Variants in ZSCAN4 observed in about 807,000 individuals in gnomAD.
ZSCAN4 encodes zinc finger and SCAN domain-containing protein 4.
ZSCAN4 carries 18 observed loss-of-function variants against 18.3 expected under a neutral mutation model. The observed-to-expected ratio is 0.98, with a 90% CI of 0.68 to 1.46. The LOEUF (loss-of-function observed/expected upper bound fraction) is 1.46. ZSCAN4 is among the 40% of genes most tolerant of loss of function. The probability of loss-of-function intolerance (pLI) is 0.00; values close to 1 mark genes in which losing one functional copy is unlikely to be tolerated. For missense variants in ZSCAN4, 498 were observed against 511.4 expected (o/e 0.97, Z 0.25); for synonymous variants, 193 against 180.3 (o/e 1.07, Z -0.57).
rs755331943 is a variant in ZSCAN4, at chr19:57,678,873, C to A, written c.1270C>A (p.Pro424Thr). The A allele has an allele frequency of 1.3e-5, 21 of 1,609,450 alleles. No individual in the cohort carries two copies. In the Admixed American group the frequency reaches 3.5e-4, roughly 27 times the overall value. Residue 424 changes from proline (P) to threonine (T), a missense_variant, in exon 5 of 5, where the codon CCA (proline) becomes ACA (threonine). Pro to Thr is a conservative substitution (Grantham distance 38, BLOSUM62 -1). Transcript: ENST00000318203. ...GAGGACTCATGAGAAAATTACCCTGCCAAGTGTTCCCTCCACACCAGAAGC... is the reference window on the plus strand; with the variant it reads ...GAGGACTCATGAGAAAATTACCCTGACAAGTGTTCCCTCCACACCAGAAGC...
intron 1 of ZSCAN4, among the ~76,000 whole-genome samples, chr19:57,669,687 A>G (rs902990390): frequency 2.5e-4 from 37 of 150,866 alleles, no homozygotes; most frequent in Non-Finnish European, 2.9e-5. Flanking sequence ...GGCCTCCAAA[A>G]GTGCTGGGAT....
chr19:57,671,264 G>T (rs1341128108), intron 2 of ZSCAN4, among the ~76,000 whole-genome samples: 3 of 152,108 alleles, frequency 2.0e-5, no homozygotes, highest in African/African-American at 7.2e-5. Flanking sequence ...TAGCATGCCT[G>T]CGTCACAGTT....
chr19:57,677,564 G>C (rs916660934), intron 3 of ZSCAN4, among the ~76,000 whole-genome samples: 9 of 152,070 alleles, frequency 5.9e-5, no homozygotes, highest in African/African-American at 2.2e-4. Context: ...CTGAGTTCAG[G>C]ATTAATCAAT....
intron 2 of ZSCAN4, among the ~76,000 whole-genome samples, chr19:57,673,238 A>G (rs530031583): frequency 5.1e-4 from 77 of 151,980 alleles, no homozygotes; most frequent in Admixed American, 1.3e-3. Context: ...TAGTAGAGAA[A>G]GGGTTTCACC....
the ZSCAN4 span, among the ~76,000 whole-genome samples, chr19:57,663,012 G>A: frequency 7.7e-6 from 1 of 130,640 alleles, no homozygotes; most frequent in African/African-American, 2.9e-5. Context: ...CCCCTTTTCT[G>A]CCCCTCACCC....
At chr19:57,665,531 A>G (rs1465271277), upstream of ZSCAN4, among the ~76,000 whole-genome samples, 1 of 152,166 alleles carries the variant, frequency 6.6e-6, no homozygotes, top group Admixed American at 6.5e-5. Flanking sequence ...CAGCCAGCAG[A>G]CAAGTTCACT....
At chr19:57,663,519 C>CAAAAAAAAAAAAAAAAA in the ZSCAN4 span, among the ~76,000 whole-genome samples, 74 of 18,300 alleles carry the variant, frequency 4.0e-3, 2 homozygotes, top group Middle Eastern at 0.036. Context: ...AACCATGTCT[C>CAAAAAAAAAAAAAAAAA]TAAAAAAAAA....
At chr19:57,651,657 CG>C in the ZSCAN4 span, among the ~76,000 whole-genome samples, 1 of 152,178 alleles carries the variant, frequency 6.6e-6, no homozygotes, top group Admixed American at 6.5e-5. Flanking sequence ...TTCTGAAACC[CG>C]GGACGACGCT....
At chr19:57,658,498 G>A in the ZSCAN4 span, among the ~76,000 whole-genome samples, 1 of 152,222 alleles carries the variant, frequency 6.6e-6, no homozygotes, top group South Asian at 2.1e-4. Context: ...TTTGTTTAAG[G>A]AAAATAATAA....
the ZSCAN4 span, among the ~76,000 whole-genome samples, chr19:57,661,683 G>C: frequency 6.6e-6 from 1 of 152,182 alleles, no homozygotes; most frequent in Non-Finnish European, 1.5e-5. Context: ...CTTTAAAAAT[G>C]CTATTGAGGT....
exon 5 of ZSCAN4, chr19:57,679,109 T>C: frequency 4.8e-6 from 2 of 418,978 alleles, no homozygotes; most frequent in East Asian, 4.0e-5. Flanking sequence ...AGTGGAACAT[T>C]TCCAAGAACC....
the ZSCAN4 span, among the ~76,000 whole-genome samples, chr19:57,658,948 G>T: frequency 1.3e-4 from 20 of 151,808 alleles, no homozygotes; most frequent in African/African-American, 4.8e-4. Context: ...ATAACTCATG[G>T]TCCATTATTA....
chr19:57,672,164 AAACATCAGTAGG>A (rs1488030045), intron 2 of ZSCAN4, among the ~76,000 whole-genome samples: 1 of 152,192 alleles, frequency 6.6e-6, no homozygotes, highest in African/African-American at 2.4e-5. Context: ...TCTGAATCCT[AAACATCAGTAGG>A]AAAGGACAGG....
chr19:57,661,443 T>C, the ZSCAN4 span, among the ~76,000 whole-genome samples: 53 of 152,302 alleles, frequency 3.5e-4, no homozygotes, highest in Admixed American at 7.8e-4. Context: ...ACATGATTGT[T>C]ACTGGTAGAA....
At chr19:57,678,781 A>G (rs772009746) in exon 5 of ZSCAN4, 2 of 1,614,194 alleles carry the variant, frequency 1.2e-6, no homozygotes, top group Non-Finnish European at 1.7e-6. Context: ...CACACAGGAG[A>G]AAAGCCTTAT....
chr19:57,658,955 A>T, the ZSCAN4 span, among the ~76,000 whole-genome samples: 1 of 152,200 alleles, frequency 6.6e-6, no homozygotes, highest in South Asian at 2.1e-4. Flanking sequence ...ATGGTCCATT[A>T]TTAAAATATT....
chr19:57,651,777 G>A, the ZSCAN4 span, among the ~76,000 whole-genome samples: 4 of 152,196 alleles, frequency 2.6e-5, no homozygotes, highest in East Asian at 1.9e-4. Flanking sequence ...TCCCAGCCCC[G>A]TCTTCCTACC....
chr19:57,660,510 C>T, the ZSCAN4 span, among the ~76,000 whole-genome samples: 4 of 152,148 alleles, frequency 2.6e-5, no homozygotes, highest in African/African-American at 4.8e-5. Context: ...ATTTTTCTAC[C>T]GTTTAAATGA....
At chr19:57,661,470 C>T in the ZSCAN4 span, among the ~76,000 whole-genome samples, 1 of 152,210 alleles carries the variant, frequency 6.6e-6, no homozygotes, top group East Asian at 1.9e-4. Flanking sequence ...CTTTCAACTC[C>T]AACACGTCTG....
Sources: gnomAD v4.1 joint callset for allele counts (sites outside exome capture counted in the v4.1 genomes callset) on GRCh38, gnomAD v4.1.1 for gene constraint, MANE v1.5 for transcripts, NCBI Gene and HGNC (gene_info 2026-07-23, HGNC 2026-07-21) for gene names.